TCTN3: variants seen among roughly 807,000 people sequenced by gnomAD.
The protein encoded by TCTN3 is tectonic family member 3.
In TCTN3, 57 loss-of-function variants were observed where a neutral mutation model predicts 71.3. That is an observed-to-expected ratio of 0.80 (90% CI 0.65 to 1.00). The LOEUF is 1.00. Among genes scored for constraint, TCTN3 ranks in the 50% least tolerant of loss-of-function variants. The pLI, the probability that TCTN3 is intolerant of heterozygous loss-of-function variation, is 0.00. For synonymous variants in TCTN3, 258 were observed against 267.8 expected (o/e 0.96, Z 0.36); for missense variants, 696 against 719.9 (o/e 0.97, Z 0.38).
chr10:95,673,866 CT>C (rs911544649), intron 13 of TCTN3, among the ~76,000 whole-genome samples: 6 of 152,138 alleles, frequency 3.9e-5, no homozygotes, highest in Non-Finnish European at 8.8e-5. Context: ...TAGATACATA[CT>C]TTTTAAAATT....
At chr10:95,677,490 T>TTTTTTTTTTTTTTTTTTTTG (rs2097938554) in intron 13 of TCTN3, among the ~76,000 whole-genome samples, 1 of 147,986 alleles carries the variant, frequency 6.8e-6, no homozygotes, top group Non-Finnish European at 1.5e-5. Context: ...TTTGTTTTTT[T>TTTTTTTTTTTTTTTTTTTTG]TTTTTTTTTT....
chr10:95,672,290 T>G (rs1326354338), intron 13 of TCTN3, among the ~76,000 whole-genome samples: 1 of 151,782 alleles, frequency 6.6e-6, no homozygotes, highest in African/African-American at 2.4e-5. Flanking sequence ...ATATCATAAT[T>G]TGCCCATTCT....
intron 13 of TCTN3, among the ~76,000 whole-genome samples, chr10:95,670,061 CAAAAAAAA>C (rs34609339): frequency 1.2e-5 from 1 of 81,078 alleles, no homozygotes; most frequent in African/African-American, 4.8e-5. Context: ...GACTCCGTCT[CAAAAAAAA>C]AAAAAAAAAA....
chr10:95,687,475 A>C, intron 4 of TCTN3, 117 bp downstream of exon 4: 1 of 1,537,228 alleles, frequency 6.5e-7, no homozygotes, highest in South Asian at 1.2e-5. Context: ...ACTGCCCTCC[A>C]AAGAGCTGAC....
chr10:95,685,651 A>C lies in TCTN3; in HGVS notation c.889-15T>G, dbSNP rs760597184. On this transcript the variant is annotated splice_polypyrimidine_tract_variant and intron_variant, in intron 7 of 13. Coordinates refer to ENST00000371217, the MANE Select transcript of TCTN3 (RefSeq NM_015631.6). ...GGAACCTGGAACTAGCAACGAAAAGAAGCAAATTAACTAAAACTGAAGGCG... is the reference window on the plus strand; with the variant it reads ...GGAACCTGGAACTAGCAACGAAAAGCAGCAAATTAACTAAAACTGAAGGCG... 2 of 1,544,406 alleles carry C rather than the reference A, an allele frequency of 1.3e-6. No homozygotes were observed.
intron 12 of TCTN3, among the ~76,000 whole-genome samples, chr10:95,681,951 T>C (rs1466579939): frequency 6.6e-6 from 1 of 152,174 alleles, no homozygotes; most frequent in Non-Finnish European, 1.5e-5. Context: ...TCCCAGCACT[T>C]TGGGAGGCCA....
At chr10:95,683,342 C>G in intron 10 of TCTN3, 147 bp from the exon 11 acceptor site, 1 of 1,492,094 alleles carries the variant, frequency 6.7e-7, no homozygotes, top group South Asian at 1.3e-5. Context: ...GATTTTTTTC[C>G]TCAGAAAACC....
chr10:95,683,166 T>A lies in TCTN3; in HGVS notation c.1233A>T (p.Gly411=). ...CTTCATGTCTTTTAACAGAGCAACT[T>A]CCATTACCCTGGCTCTGTAAGAGGG... ...SMTLLQSQGN[G]SCSVKRHEVQ... The change falls in exon 11 of 14, where the codon GGA becomes GGT. Residue 411 remains glycine (G), a synonymous_variant. Coordinates refer to ENST00000371217, the MANE Select transcript of TCTN3 (RefSeq NM_015631.6). The A allele has an allele frequency of 6.2e-7, 1 of 1,614,060 alleles. No individual in the cohort carries two copies.
chr10:95,693,352 C>T lies in TCTN3; in HGVS notation c.380+1G>A. 1 of 1,551,810 alleles carries T rather than the reference C, an allele frequency of 6.4e-7. No individual in the cohort carries two copies. The highest frequency in any genetic ancestry group is 8.7e-7 in the Non-Finnish European group (1 of 1,146,994). ...GATTCAGTCTGAGCAACGAAGCTCA[C>T]CTTACGCTGCCTGGAAGGCAGAAGG... On this transcript the variant is annotated splice_donor_variant, in intron 2 of 13. Coordinates refer to ENST00000371217, the MANE Select transcript of TCTN3 (RefSeq NM_015631.6). LOFTEE classifies it high-confidence loss of function.
intron 12 of TCTN3, 53 bp from the exon 13 acceptor site, chr10:95,680,662 TC>T: frequency 6.3e-7 from 1 of 1,590,708 alleles, no homozygotes. Context: ...TTGCCTATAG[TC>T]AATCACCAAG....
chr10:95,679,402 T>C (rs981653123), intron 13 of TCTN3, among the ~76,000 whole-genome samples: 12 of 152,158 alleles, frequency 7.9e-5, no homozygotes, highest in African/African-American at 2.4e-4. Context: ...CCCAACCCTG[T>C]TGTGAGGGAG....
chr10:95,690,934 C>G (rs1183531710), intron 3 of TCTN3, among the ~76,000 whole-genome samples: 1 of 152,128 alleles, frequency 6.6e-6, no homozygotes. Context: ...CACCCTCGTT[C>G]AGGAAAAAGT....
rs536633500 is a variant in TCTN3, at chr10:95,687,614, T to A, written c.605A>T (p.Gln202Leu). 1.9e-6 allele frequency: 3 copies of A among 1,614,102 alleles called. No individual in the cohort carries two copies. The highest frequency in any genetic ancestry group is 1.1e-5 in the South Asian group (1 of 91,042). Reference sequence around the variant, plus strand: ...CACCCTGTAAAAAGATGGTGGTGATTGAGTTTGGAATGTTGAAGTGAATGA... The same window carrying A: ...CACCCTGTAAAAAGATGGTGGTGATAGAGTTTGGAATGTTGAAGTGAATGA... Reference protein sequence around the residue: ...GESFTSTFQTQSPPSFYRAGD... With the variant: ...GESFTSTFQTLSPPSFYRAGD... The change falls in exon 4 of 14, where the codon CAA (glutamine) becomes CTA (leucine). Residue 202 changes from glutamine (Q) to leucine (L), a missense_variant. Gln to Leu is a moderately radical substitution (Grantham distance 113). Transcript: ENST00000371217.
At chr10:95,671,163 A>C (rs1366509984) in intron 13 of TCTN3, among the ~76,000 whole-genome samples, 2 of 152,190 alleles carry the variant, frequency 1.3e-5, no homozygotes, top group Non-Finnish European at 2.9e-5. Flanking sequence ...CTCTCTCAAA[A>C]TCTGGTCACC....
At chr10:95,668,107 T>G (rs2097927323) in intron 13 of TCTN3, among the ~76,000 whole-genome samples, 1 of 151,776 alleles carries the variant, frequency 6.6e-6, no homozygotes, top group Non-Finnish European at 1.5e-5. Flanking sequence ...AAAAATCTGA[T>G]GGCCAAAATA....
In TCTN3 at chr10:95,693,793, A is replaced by G. The variant is rs1242296012; in HGVS notation, c.107T>C (p.Leu36Ser). ...SSPSGAVPTS[L>S]ELQRGTDGGT... Reference sequence around the variant, plus strand: ...GCCATCCGTCCCTCGCTGCAGCTCCAAAGACGTGGGCACTGCCCCTGATGG... The same window carrying G: ...GCCATCCGTCCCTCGCTGCAGCTCCGAAGACGTGGGCACTGCCCCTGATGG... Residue 36 changes from leucine to serine, a missense_variant, in exon 1 of 14, where the codon TTG becomes TCG. Leu to Ser is a moderately radical substitution (Grantham distance 145, BLOSUM62 -2). Coordinates refer to ENST00000371217, the MANE Select transcript of TCTN3 (RefSeq NM_015631.6). 14 of 1,551,550 alleles carry G rather than the reference A, an allele frequency of 9.0e-6. No individual in the cohort carries two copies. Among genetic ancestry groups the G allele is most frequent in the Admixed American group, 2.0e-5 (1 of 50,980 alleles).
intron 3 of TCTN3, among the ~76,000 whole-genome samples, chr10:95,690,441 A>G (rs188481792): frequency 6.6e-6 from 1 of 152,386 alleles, no homozygotes; most frequent in East Asian, 1.9e-4. Context: ...TAAATGCTTT[A>G]GAACTTCTGA....
intron 8 of TCTN3, 32 bp from the exon 9 acceptor site, chr10:95,684,656 G>GTAGT: frequency 6.2e-7 from 1 of 1,610,414 alleles, no homozygotes; most frequent in East Asian, 2.2e-5. Flanking sequence ...TTAATAAAAA[G>GTAGT]TAGTTATTGG....
chr10:95,680,317 T>C (rs906161998), intron 13 of TCTN3, among the ~76,000 whole-genome samples, 155 bp downstream of exon 13: 1 of 147,792 alleles, frequency 6.8e-6, no homozygotes, highest in Admixed American at 6.7e-5. Context: ...GCAGGGTGAA[T>C]AGACTTGACA....
Sources: gnomAD v4.1 joint callset for allele counts (sites outside exome capture counted in the v4.1 genomes callset) on GRCh38, gnomAD v4.1.1 for gene constraint, MANE v1.5 for transcripts, NCBI Gene and HGNC (gene_info 2026-07-23, HGNC 2026-07-21) for gene names.